The following PRKCE variants were observed in gnomAD, a reference collection of about 807,000 sequenced individuals.
The protein encoded by PRKCE is protein kinase C epsilon.
PRKCE carries 16 observed loss-of-function variants against 85.4 expected under a neutral mutation model. The observed-to-expected ratio is 0.19, with a 90% CI of 0.13 to 0.28. The LOEUF (loss-of-function observed/expected upper bound fraction) is 0.28, where lower values mean the gene tolerates loss of function less well. Ranked by LOEUF, PRKCE falls within the 10% of genes least tolerant of loss-of-function variation. PRKCE has a pLI of 1.00. For missense variants in PRKCE, 573 were observed against 975.2 expected (o/e 0.59, Z 5.49); for synonymous variants, 388 against 371.5 (o/e 1.04, Z -0.51).
At chr2:46,114,112 A>T (rs1001168252) in intron 11 of PRKCE, among the ~76,000 whole-genome samples, 1 of 152,154 alleles carries the variant, frequency 6.6e-6, no homozygotes, top group African/African-American at 2.4e-5. Flanking sequence ...TTGGACCCGA[A>T]TGAGCAGGGA....
intron 1 of PRKCE, among the ~76,000 whole-genome samples, chr2:45,729,716 C>T (rs975122690): frequency 1.7e-4 from 26 of 152,206 alleles, no homozygotes; most frequent in African/African-American, 6.3e-4. Flanking sequence ...GAAAATATTC[C>T]AAGGGACATT....
chr2:46,084,430 G>A (rs1337343314), intron 10 of PRKCE, among the ~76,000 whole-genome samples: 1 of 152,118 alleles, frequency 6.6e-6, no homozygotes, highest in Non-Finnish European at 1.5e-5. Context: ...ATACCTATGT[G>A]TTAAAAATGT....
At chr2:45,677,371 A>G (rs1485004358) in intron 1 of PRKCE, among the ~76,000 whole-genome samples, 2 of 120,592 alleles carry the variant, frequency 1.7e-5, no homozygotes, top group African/African-American at 6.5e-5. Flanking sequence ...TTTTTTTGAG[A>G]CGGAGTCTCG....
intron 9 of PRKCE, among the ~76,000 whole-genome samples, chr2:46,008,866 T>C (rs1705426478): frequency 6.6e-6 from 1 of 152,202 alleles, no homozygotes; most frequent in South Asian, 2.1e-4. Context: ...TAGATGACTT[T>C]GGAGCATTTA....
At chr2:46,084,192 G>C (rs77786283) in intron 10 of PRKCE, among the ~76,000 whole-genome samples, 1,551 of 152,330 alleles carry the variant, frequency 0.01, 27 homozygotes, top group African/African-American at 0.036. Context: ...AGAAAAGCTG[G>C]ACTTAGGCCC....
chr2:45,663,154 C>T (rs928623622), intron 1 of PRKCE, among the ~76,000 whole-genome samples: 9 of 152,144 alleles, frequency 5.9e-5, no homozygotes, highest in Non-Finnish European at 1.0e-4. Flanking sequence ...TATCGCAAAG[C>T]GAGTTGTACA....
In PRKCE at chr2:45,843,196, T is replaced by A. The variant is rs114353670; in HGVS notation, c.412+133T>A. 360 of 817,244 alleles carry A rather than the reference T, an allele frequency of 4.4e-4. No homozygotes were observed. The African/African-American group carries it at 5.1e-3, about 11-fold the overall frequency. The allele number at this position is 817,244 out of a possible 1,614,324, so 50.6% of individuals were successfully genotyped here. On this transcript the variant is annotated intron_variant, in intron 2 of 14. Coordinates refer to ENST00000306156, the MANE Select transcript of PRKCE (RefSeq NM_005400.3). ...ATTGGCATCCTTTAAAGGAAAAGGT[T>A]ATTTTGAAGATGCTTACGCCTGTGT...
At chr2:45,998,503 A>G (rs990137842) in intron 6 of PRKCE, among the ~76,000 whole-genome samples, 3 of 152,172 alleles carry the variant, frequency 2.0e-5, no homozygotes, top group Non-Finnish European at 2.9e-5. Context: ...TTAGCATGGT[A>G]TATCTTACTC....
intron 2 of PRKCE, among the ~76,000 whole-genome samples, chr2:45,866,287 T>A (rs13014392): frequency 0.025 from 3,751 of 152,234 alleles, 65 homozygotes; most frequent in Middle Eastern, 0.038. Flanking sequence ...TTTTTATTTA[T>A]TTAATTAATT....
chr2:46,026,527 TG>T (rs1366332448), intron 10 of PRKCE, among the ~76,000 whole-genome samples: 2 of 152,200 alleles, frequency 1.3e-5, no homozygotes, highest in African/African-American at 4.8e-5. Flanking sequence ...GTCACTCTGA[TG>T]TAAGAAAATA....
chr2:46,029,216 A>C (rs1292125695), intron 10 of PRKCE, among the ~76,000 whole-genome samples: 1 of 152,210 alleles, frequency 6.6e-6, no homozygotes. Flanking sequence ...ATCCTGAGAC[A>C]CAGGGAGGTA....
At chr2:46,072,597 A>G (rs1668172779) in intron 10 of PRKCE, among the ~76,000 whole-genome samples, 1 of 152,240 alleles carries the variant, frequency 6.6e-6, no homozygotes, top group Non-Finnish European at 1.5e-5. Flanking sequence ...ATATGACCCT[A>G]CAGTTATGAA....
At chr2:46,060,100 T>G (rs1006171847) in intron 10 of PRKCE, among the ~76,000 whole-genome samples, 2 of 152,216 alleles carry the variant, frequency 1.3e-5, no homozygotes, top group Admixed American at 1.3e-4. Context: ...GTAAATAAAT[T>G]CAATGTGAAT....
intron 1 of PRKCE, among the ~76,000 whole-genome samples, chr2:45,737,774 C>T (rs1024327636): frequency 1.3e-5 from 2 of 152,140 alleles, no homozygotes; most frequent in African/African-American, 4.8e-5. Flanking sequence ...CCCTCCCTCA[C>T]CTCCACCTGG....
chr2:46,083,871 T>C (rs1372712630), intron 10 of PRKCE, among the ~76,000 whole-genome samples: 1 of 152,192 alleles, frequency 6.6e-6, no homozygotes, highest in Non-Finnish European at 1.5e-5. Context: ...GTATAATCCT[T>C]ATATTGCACA....
At chr2:45,987,293 G>A (rs1703407367) in intron 6 of PRKCE, among the ~76,000 whole-genome samples, 2 of 152,194 alleles carry the variant, frequency 1.3e-5, no homozygotes, top group South Asian at 4.1e-4. Flanking sequence ...CTGTCCATGG[G>A]AGCCCAGGAA....
rs569994900 is a variant in PRKCE, at chr2:46,001,767, A to G, written c.966+221A>G. Among the ~76,000 whole-genome samples the G allele has an allele frequency of 1.3e-5, 2 of 152,344 alleles. No homozygotes were observed. The highest frequency in any genetic ancestry group is 1.3e-4 in the Admixed American group (2 of 15,308). The stretch of plus-strand genomic sequence containing the variant: ...TGGACTGAAAACACAGCAAGCCTCA[A>G]GGGTTACGTTTGCCAAAGAAACATA... On this transcript the variant is annotated intron_variant, in intron 7 of 14. Coordinates refer to ENST00000306156, the MANE Select transcript of PRKCE (RefSeq NM_005400.3). This position sits in a 1 kb window ranked among gnomAD's most constrained non-coding sequence, Gnocchi z 4.4.
intron 1 of PRKCE, among the ~76,000 whole-genome samples, chr2:45,687,028 T>A (rs1240898137): frequency 6.6e-6 from 1 of 152,112 alleles, no homozygotes; most frequent in Non-Finnish European, 1.5e-5. Context: ...ATTTTAAAAA[T>A]CTTGTGGTGG....
intron 2 of PRKCE, among the ~76,000 whole-genome samples, chr2:45,849,255 A>G (rs897923719): frequency 9.2e-5 from 14 of 152,132 alleles, no homozygotes; most frequent in Non-Finnish European, 1.5e-4. Context: ...TTCTAGGTCA[A>G]GTTTGGTCAA....
Sources: gnomAD v4.1 joint callset for allele counts (sites outside exome capture counted in the v4.1 genomes callset) on GRCh38, gnomAD v4.1.1 for gene constraint, Gnocchi (gnomAD v3.1) non-coding constraint, MANE v1.5 for transcripts, NCBI Gene and HGNC (gene_info 2026-07-23, HGNC 2026-07-21) for gene names.